Variants in OTUD7A observed in about 807,000 individuals in gnomAD.
OTUD7A encodes OTU domain-containing protein 7A.
OTUD7A carries 12 observed loss-of-function variants against 65.7 expected under a neutral mutation model. That is an observed-to-expected ratio of 0.18 (90% confidence interval 0.12 to 0.30). The LOEUF (loss-of-function observed/expected upper bound fraction) is 0.30, where lower values mean the gene tolerates loss of function less well. OTUD7A is among the 10% of genes least tolerant of loss of function. OTUD7A has a pLI of 1.00. For synonymous variants in OTUD7A, 641 were observed against 586.3 expected, an observed-to-expected ratio of 1.09 and a Z score of -1.35; for missense variants, 1,148 against 1,304.8, an observed-to-expected ratio of 0.88 and a Z score of 1.85.
chr15:31,530,502 TG>T (rs1259749721), intron 6 of OTUD7A, among the ~76,000 whole-genome samples: 2 of 152,202 alleles, frequency 1.3e-5, no homozygotes, highest in African/African-American at 4.8e-5. Flanking sequence ...TTTTCTTATG[TG>T]TGTTCTGTCT....
chr15:31,833,211 A>C (rs977947078), intron 1 of OTUD7A, among the ~76,000 whole-genome samples: 25 of 152,232 alleles, frequency 1.6e-4, no homozygotes, highest in Non-Finnish European at 3.7e-4. Flanking sequence ...ATTTCCCAGC[A>C]GAGGGCTGAG....
At chr15:31,588,504 C>T (rs1222365264) in intron 3 of OTUD7A, among the ~76,000 whole-genome samples, 4 of 152,190 alleles carry the variant, frequency 2.6e-5, no homozygotes, top group Non-Finnish European at 5.9e-5. Context: ...CTCACCCTTT[C>T]TAAGCTGGGT....
At chr15:31,827,518 T>C (rs990055992) in intron 1 of OTUD7A, among the ~76,000 whole-genome samples, 1 of 152,220 alleles carries the variant, frequency 6.6e-6, no homozygotes, top group Non-Finnish European at 1.5e-5. Context: ...AACTGTATCA[T>C]TTACCAAAAT....
chr15:31,848,751 G>A (rs1273624163), intron 1 of OTUD7A, among the ~76,000 whole-genome samples: 2 of 152,150 alleles, frequency 1.3e-5, no homozygotes, highest in Non-Finnish European at 2.9e-5. Context: ...TGAGTTCTTT[G>A]CCTCTGCCCA....
At chr15:31,725,180 G>A (rs1429987064) in intron 1 of OTUD7A, among the ~76,000 whole-genome samples, 1 of 152,206 alleles carries the variant, frequency 6.6e-6, no homozygotes, top group Non-Finnish European at 1.5e-5. Flanking sequence ...ATTCTCCAAA[G>A]AGGAGCTAAG....
intron 1 of OTUD7A, among the ~76,000 whole-genome samples, chr15:31,688,260 T>A (rs2258562): frequency 4.0e-5 from 6 of 149,468 alleles, no homozygotes; most frequent in African/African-American, 1.5e-4. Flanking sequence ...CTTGTAGAAA[T>A]GACCTTAGCC....
chr15:31,569,617 T>G (rs561622707), intron 4 of OTUD7A, among the ~76,000 whole-genome samples: 28 of 152,278 alleles, frequency 1.8e-4, no homozygotes, highest in African/African-American at 6.0e-4. Flanking sequence ...ACTTTCATAA[T>G]GAAGAAAAAG....
chr15:31,862,710 T>C (rs1897776927), intron 1 of OTUD7A, among the ~76,000 whole-genome samples: 1 of 152,126 alleles, frequency 6.6e-6, no homozygotes, highest in Non-Finnish European at 1.5e-5. Flanking sequence ...GGAGACACAA[T>C]TCAAGTTGAG....
intron 5 of OTUD7A, among the ~76,000 whole-genome samples, chr15:31,553,646 T>C (rs1018784469): frequency 2.6e-5 from 4 of 151,610 alleles, no homozygotes; most frequent in Non-Finnish European, 4.4e-5. Context: ...AGGGTAACAT[T>C]CTTAGGGCCA....
intron 1 of OTUD7A, among the ~76,000 whole-genome samples, chr15:31,824,800 G>T (rs187480641): frequency 6.6e-6 from 1 of 152,120 alleles, no homozygotes; most frequent in Non-Finnish European, 1.5e-5. Flanking sequence ...TCCAAGGTTT[G>T]CCACCCATTT....
chr15:31,688,303 G>A (rs1333501912), intron 1 of OTUD7A, among the ~76,000 whole-genome samples: 1 of 152,124 alleles, frequency 6.6e-6, no homozygotes, highest in Non-Finnish European at 1.5e-5. Flanking sequence ...GAGCCACGGT[G>A]TGCCCACTGA....
chr15:31,759,137 C>A lies in OTUD7A; in HGVS notation c.-99-102060G>T, dbSNP rs544216203. Among the ~76,000 whole-genome samples the A allele has an allele frequency of 3.3e-5, 5 of 152,324 alleles. No homozygotes were observed. In the East Asian group the frequency reaches 7.7e-4, roughly 23 times the overall value. On this transcript the variant is annotated intron_variant, in intron 1 of 12. Transcript: ENST00000307050. ...TGCCATTGGGAGCTATGCAAGGCAGCAGCTCTGTATTTCCAGGCCTCGAGG... is the reference window on the plus strand; with the variant it reads ...TGCCATTGGGAGCTATGCAAGGCAGAAGCTCTGTATTTCCAGGCCTCGAGG...
intron 1 of OTUD7A, among the ~76,000 whole-genome samples, chr15:31,659,425 C>T: frequency 6.6e-6 from 1 of 152,204 alleles, no homozygotes; most frequent in Non-Finnish European, 1.5e-5. Flanking sequence ...GCAGGGCCAA[C>T]TCTAAGGTGA....
At chr15:31,659,180 G>A (rs1438268502) in intron 1 of OTUD7A, among the ~76,000 whole-genome samples, 3 of 152,156 alleles carry the variant, frequency 2.0e-5, no homozygotes, top group African/African-American at 7.2e-5. Flanking sequence ...CAATAAAACG[G>A]GTAGATGGAG....
At chr15:31,644,501 C>G (rs1006651447) in intron 3 of OTUD7A, among the ~76,000 whole-genome samples, 10 of 152,016 alleles carry the variant, frequency 6.6e-5, no homozygotes, top group Admixed American at 2.6e-4. Context: ...TTTTTAGAGT[C>G]AGGGTCTTAG....
At chr15:31,664,336 ATT>A (rs57041516) in intron 1 of OTUD7A, among the ~76,000 whole-genome samples, 14 of 131,462 alleles carry the variant, frequency 1.1e-4, no homozygotes, top group African/African-American at 3.2e-4. Context: ...CTGTTTGTTG[ATT>A]TTTTTTTTTT....
chr15:31,577,486 C>T lies in OTUD7A; in HGVS notation c.152-7289G>A, dbSNP rs896022645. Reference sequence around the variant, plus strand: ...CCCCACTCCTTGCCTTTCTAAGCATCTTTGAGACGTCCCACCTTTTTAAGC... The same window carrying T: ...CCCCACTCCTTGCCTTTCTAAGCATTTTTGAGACGTCCCACCTTTTTAAGC... On this transcript the variant is annotated intron_variant, in intron 3 of 12. Transcript: ENST00000307050. Among the ~76,000 whole-genome samples the T allele has an allele frequency of 3.9e-5, 6 of 152,186 alleles. 1 individual carries two copies. Among genetic ancestry groups the T allele is most frequent in the African/African-American group, 1.4e-4 (6 of 41,458 alleles).
At chr15:31,826,017 T>C (rs1025778374) in intron 1 of OTUD7A, among the ~76,000 whole-genome samples, 4 of 152,194 alleles carry the variant, frequency 2.6e-5, no homozygotes, top group Non-Finnish European at 4.4e-5. Flanking sequence ...CAGCTGCTTT[T>C]TGGGCTGGCA....
intron 1 of OTUD7A, among the ~76,000 whole-genome samples, chr15:31,771,946 T>C (rs1433811211): frequency 2.0e-5 from 3 of 152,118 alleles, no homozygotes; most frequent in Admixed American, 6.5e-5. Flanking sequence ...CTTTCCACAA[T>C]GTTTAAAAAA....
Sources: gnomAD v4.1 joint callset for allele counts (sites outside exome capture counted in the v4.1 genomes callset) on GRCh38, gnomAD v4.1.1 for gene constraint, MANE v1.5 for transcripts, NCBI Gene and HGNC (gene_info 2026-07-23, HGNC 2026-07-21) for gene names.